Variants in COL22A1 observed in about 807,000 individuals in gnomAD.
The protein encoded by COL22A1 is collagen alpha-1(XXII) chain.
A neutral mutation model predicts 248.9 loss-of-function variants in COL22A1; 221 were observed. The observed-to-expected ratio is 0.89, with a 90% CI of 0.80 to 0.99. The LOEUF (loss-of-function observed/expected upper bound fraction) is 0.99. Ranked by LOEUF, COL22A1 falls within the 50% of genes least tolerant of loss-of-function variation. The probability of loss-of-function intolerance (pLI) is 0.00; values close to 1 mark genes in which losing one functional copy is unlikely to be tolerated. For missense variants in COL22A1, 2,240 were observed against 2,179.0 expected (o/e 1.03, Z -0.56); for synonymous variants, 891 against 793.4 (o/e 1.12, Z -2.07).
intron 46 of COL22A1, 100 bp from the exon 47 acceptor site, chr8:138,646,782 G>T: frequency 1.2e-6 from 1 of 836,474 alleles, no homozygotes; most frequent in Non-Finnish European, 1.8e-6. Context: ...TCCCTTCACT[G>T]ATTTTCCACT....
At chr8:138,713,342 T>G (rs1790252563) in intron 30 of COL22A1, among the ~76,000 whole-genome samples, 1 of 152,146 alleles carries the variant, frequency 6.6e-6, no homozygotes, top group South Asian at 2.1e-4. Context: ...ATGCCTTAGT[T>G]CTTTCACCTA....
At chr8:138,623,655 C>A in intron 52 of COL22A1, 77 bp downstream of exon 52, 1 of 1,276,766 alleles carries the variant, frequency 7.8e-7, no homozygotes, top group South Asian at 1.3e-5. Context: ...TTCAAAATAG[C>A]TCCTCACACA....
intron 4 of COL22A1, among the ~76,000 whole-genome samples, chr8:138,834,196 G>C (rs1820263421): frequency 6.6e-6 from 1 of 152,068 alleles, no homozygotes; most frequent in South Asian, 2.1e-4. Flanking sequence ...AGGTTACAGG[G>C]AAGCCGGCTG....
At position 138,589,412 on chromosome 8, in the gene COL22A1, T is replaced by G; in HGVS notation, c.4722A>C (p.Lys1574Asn). ...GGCCAGGGATCCCAGGAAGTCCATCTTTAGCATAGCCAGGTTCCCCGGGTT... is the reference window on the plus strand; with the variant it reads ...GGCCAGGGATCCCAGGAAGTCCATCGTTAGCATAGCCAGGTTCCCCGGGTT... ...PGQPGEPGYA[K>N]DGLPGIPGPQ... The change falls in exon 65 of 65, where the codon AAA becomes AAC. Residue 1574 changes from lysine (K) to asparagine (N), a missense_variant. By Grantham distance (94) the Lys-to-Asn change is moderately conservative. Transcript: ENST00000303045. 6.3e-7 allele frequency: 1 copy of G among 1,584,170 alleles called. No homozygotes were observed. The highest frequency in any genetic ancestry group is 1.1e-5 in the South Asian group (1 of 88,072).
intron 35 of COL22A1, among the ~76,000 whole-genome samples, chr8:138,691,830 G>GTGTATA (rs1826964277): frequency 3.6e-4 from 12 of 33,408 alleles, no homozygotes; most frequent in East Asian, 7.4e-4. Flanking sequence ...TTGTGGAGGT[G>GTGTATA]TGTGTATGTG....
rs1348828503 is a variant in COL22A1, at chr8:138,895,981, CA to C, written c.-72-12738del. On this transcript the variant is annotated intron_variant, in intron 1 of 64. Transcript: ENST00000303045. ...AATTTCTTACTTGAAACCAAGAAAC[CA>C]GGGGGAAATGGCACAACATTCTTCA... is the stretch of plus-strand genomic sequence containing the variant. Among the ~76,000 whole-genome samples the C allele has an allele frequency of 8.5e-5, 13 of 152,134 alleles. No homozygotes were observed. The East Asian group carries it at 2.3e-3, about 27-fold the overall frequency.
chr8:138,750,422 C>T (rs1183316874), intron 22 of COL22A1, among the ~76,000 whole-genome samples: 3 of 152,182 alleles, frequency 2.0e-5, no homozygotes, highest in African/African-American at 4.8e-5. Flanking sequence ...AGGTCAGAGT[C>T]GGCGCTGAAT....
At chr8:138,646,208 C>T (rs1822190805) in intron 47 of COL22A1, among the ~76,000 whole-genome samples, 1 of 152,188 alleles carries the variant, frequency 6.6e-6, no homozygotes, top group South Asian at 2.1e-4. Flanking sequence ...TGCTCGCTTG[C>T]ATTCAAAAAG....
intron 35 of COL22A1, among the ~76,000 whole-genome samples, chr8:138,692,386 T>C (rs1827141220): frequency 6.7e-6 from 1 of 148,554 alleles, no homozygotes; most frequent in East Asian, 2.0e-4. Context: ...ATGTGTATTG[T>C]GCACGTATGT....
At chr8:138,818,799 T>A (rs574139720) in intron 7 of COL22A1, among the ~76,000 whole-genome samples, 22 of 152,222 alleles carry the variant, frequency 1.4e-4, no homozygotes, top group Admixed American at 9.2e-4. Flanking sequence ...TTTACTTTTA[T>A]TTTACTATTT....
Position 138,663,133 on chromosome 8 carries a change from A to G in COL22A1, c.3186+572T>C, listed in dbSNP as rs186490567. Among the ~76,000 whole-genome samples, 29 of 152,350 alleles carry G rather than the reference A, an allele frequency of 1.9e-4. No homozygotes were observed. In the East Asian group the frequency reaches 4.6e-3, roughly 24 times the overall value. ...ATACAATATCATCCCACTTGCTACAATGCAGCTATTTCCCCTGGGGTGAAT... is the reference window on the plus strand; with the variant it reads ...ATACAATATCATCCCACTTGCTACAGTGCAGCTATTTCCCCTGGGGTGAAT... On this transcript the variant is annotated intron_variant, in intron 42 of 64. Transcript: ENST00000303045.
At chr8:138,904,607 AT>A (rs34150275) in intron 1 of COL22A1, among the ~76,000 whole-genome samples, 34,625 of 151,244 alleles carry the variant, frequency 0.23, 4,472 homozygotes, top group African/African-American at 0.36. Context: ...ATTCTTCCCA[AT>A]TTTTTTTCTC....
chr8:138,796,706 T>C (rs1476350134), intron 12 of COL22A1, 113 bp downstream of exon 12: 3 of 802,578 alleles, frequency 3.7e-6, no homozygotes, highest in Non-Finnish European at 6.6e-6. Flanking sequence ...AGGACACCTC[T>C]TTTCCCCCAC....
intron 10 of COL22A1, among the ~76,000 whole-genome samples, chr8:138,805,381 G>A (rs1264459788): frequency 6.9e-6 from 1 of 144,848 alleles, no homozygotes; most frequent in Non-Finnish European, 1.5e-5. Flanking sequence ...GTGTGATGGT[G>A]TGGGCATGTG....
At chr8:138,828,848 C>T (rs756374610) in intron 5 of COL22A1, among the ~76,000 whole-genome samples, 24 of 152,188 alleles carry the variant, frequency 1.6e-4, no homozygotes, top group Non-Finnish European at 3.2e-4. Flanking sequence ...GGGAGACACA[C>T]CTGGGACCTG....
intron 4 of COL22A1, among the ~76,000 whole-genome samples, chr8:138,836,334 G>T (rs922829958): frequency 6.6e-6 from 1 of 152,136 alleles, no homozygotes; most frequent in Admixed American, 6.6e-5. Flanking sequence ...AAAAGGAAAA[G>T]ACCAGTCATC....
At chr8:138,879,712 A>AAAAAAAG (rs1554652804) in intron 2 of COL22A1, among the ~76,000 whole-genome samples, 2 of 83,218 alleles carry the variant, frequency 2.4e-5, no homozygotes, top group Non-Finnish European at 5.0e-5. Flanking sequence ...AAAAAAAAAA[A>AAAAAAAG]AAGAAGAAGA....
chr8:138,711,178 C>G (rs1315479724), intron 30 of COL22A1, among the ~76,000 whole-genome samples: 1 of 152,118 alleles, frequency 6.6e-6, no homozygotes, highest in Non-Finnish European at 1.5e-5. Flanking sequence ...CCCAGCTCCT[C>G]CATGACGTGT....
intron 14 of COL22A1, 116 bp from the exon 15 acceptor site, chr8:138,778,522 C>A: frequency 1.2e-6 from 1 of 850,114 alleles, no homozygotes; most frequent in South Asian, 1.8e-5. Flanking sequence ...CACCTCTCAC[C>A]AAGTGCTGCC....
Sources: allele counts gnomAD v4.1 joint callset (sites outside exome capture counted in the v4.1 genomes callset), GRCh38; gene constraint gnomAD v4.1.1; transcripts MANE v1.5; gene names NCBI Gene and HGNC (gene_info 2026-07-23, HGNC 2026-07-21).